Variants in COL6A6 observed in about 807,000 individuals in gnomAD.
The protein encoded by COL6A6 is collagen alpha-6(VI) chain.
COL6A6 carries 183 observed loss-of-function variants against 208.6 expected under a neutral mutation model. The ratio of observed to expected loss-of-function variants is 0.88; its 90% CI spans 0.78 to 0.99. The LOEUF is 0.99. Ranked by LOEUF, COL6A6 falls within the 50% of genes least tolerant of loss-of-function variation. The pLI is 0.00. For missense variants in COL6A6, 2,816 were observed against 2,815.2 expected, an observed-to-expected ratio of 1.00 and a Z score of -0.01; for synonymous variants, 973 against 1,011.8, an observed-to-expected ratio of 0.96 and a Z score of 0.73.
Position 130,649,147 on chromosome 3 carries a change from T to C in COL6A6, c.5318T>C (p.Phe1773Ser). 2 of 1,591,390 alleles carry C rather than the reference T, an allele frequency of 1.3e-6. No homozygotes were observed. The highest frequency in any genetic ancestry group is 1.7e-6 in the Non-Finnish European group (2 of 1,168,392). The change falls in exon 33 of 37, where the codon TTT (phenylalanine) becomes TCT (serine). Residue 1773 changes from phenylalanine to serine, a missense_variant. By Grantham distance (155) the Phe-to-Ser change is radical. Transcript: ENST00000358511. ...DHSRDVTEQE[F>S]ERMKEMMAFL... is the part of the protein sequence containing the mutation. ...TCCCGGGATGTCACTGAGCAGGAAT[T>C]TGAGCGGATGAAGGAGATGATGGCT...
intron 28 of COL6A6, among the ~76,000 whole-genome samples, chr3:130,640,996 A>T (rs1208219435): frequency 6.6e-6 from 1 of 152,242 alleles, no homozygotes; most frequent in Non-Finnish European, 1.5e-5. Flanking sequence ...TTATAATAGC[A>T]TTGCCTTATA....
intron 28 of COL6A6, among the ~76,000 whole-genome samples, chr3:130,639,918 C>A (rs1199496467): frequency 6.6e-6 from 1 of 152,080 alleles, no homozygotes; most frequent in Non-Finnish European, 1.5e-5. Context: ...TTTCTAGGAG[C>A]CATATAGAAA....
chr3:130,531,015 TACACAC>T (rs58738761), intron 1 of COL6A6, among the ~76,000 whole-genome samples: 22 of 143,862 alleles, frequency 1.5e-4, no homozygotes, highest in East Asian at 4.1e-4. Flanking sequence ...CCCCCTCCTC[TACACAC>T]ACACACACAC....
At chr3:130,594,722 A>G (rs781067682) in intron 18 of COL6A6, among the ~76,000 whole-genome samples, 10 of 152,168 alleles carry the variant, frequency 6.6e-5, no homozygotes, top group Non-Finnish European at 1.0e-4. Flanking sequence ...TCACATTGCT[A>G]ATAAAGACAT....
At chr3:130,593,902 C>G (rs1427097456) in intron 17 of COL6A6, among the ~76,000 whole-genome samples, 2 of 151,934 alleles carry the variant, frequency 1.3e-5, no homozygotes, top group Admixed American at 6.6e-5. Flanking sequence ...TATTTTCATC[C>G]TCTACTTTGT....
At chr3:130,653,435 T>C (rs1377170050) in intron 33 of COL6A6, among the ~76,000 whole-genome samples, 1 of 152,226 alleles carries the variant, frequency 6.6e-6, no homozygotes, top group African/African-American at 2.4e-5. Context: ...TTTGTTTATA[T>C]ATAATTGTCT....
intron 32 of COL6A6, among the ~76,000 whole-genome samples, chr3:130,645,327 C>T (rs376260237): frequency 6.6e-6 from 1 of 152,168 alleles, no homozygotes; most frequent in South Asian, 2.1e-4. Flanking sequence ...TAGACATGCT[C>T]TGTCACACAG....
intron 20 of COL6A6, among the ~76,000 whole-genome samples, chr3:130,602,294 G>A (rs2064046950): frequency 6.6e-6 from 1 of 152,166 alleles, no homozygotes; most frequent in Non-Finnish European, 1.5e-5. Flanking sequence ...CTGTGTCAAA[G>A]CCACCAGCCC....
chr3:130,553,673 G>A (rs894379048), intron 1 of COL6A6, among the ~76,000 whole-genome samples: 1 of 151,766 alleles, frequency 6.6e-6, no homozygotes, highest in Non-Finnish European at 1.5e-5. Flanking sequence ...TTTCAATCTG[G>A]GTAAGAACCA....
intron 35 of COL6A6, 55 bp from the exon 36 acceptor site, chr3:130,664,948 G>A: frequency 1.7e-6 from 2 of 1,144,350 alleles, no homozygotes; most frequent in Admixed American, 2.0e-5. Flanking sequence ...AGAGCAGATT[G>A]CAGTAATGTT....
intron 20 of COL6A6, among the ~76,000 whole-genome samples, chr3:130,602,958 C>T (rs1406077444): frequency 6.6e-6 from 1 of 152,178 alleles, no homozygotes; most frequent in Non-Finnish European, 1.5e-5. Flanking sequence ...CACTGCAGAA[C>T]TCTAAAATGA....
At chr3:130,643,785 A>G (rs2065386395) in intron 31 of COL6A6, among the ~76,000 whole-genome samples, 5 of 152,218 alleles carry the variant, frequency 3.3e-5, no homozygotes, top group Admixed American at 3.3e-4. Context: ...TCCTCCAGAT[A>G]TTTTGGGGGA....
At chr3:130,564,901 GA>G in intron 3 of COL6A6, 92 bp from the exon 4 acceptor site, 3 of 1,383,664 alleles carry the variant, frequency 2.2e-6, no homozygotes, top group Non-Finnish European at 3.0e-6. Flanking sequence ...GTGCATAACT[GA>G]GCTCTGCTGT....
At chr3:130,627,534 G>T (rs1054633204) in intron 26 of COL6A6, among the ~76,000 whole-genome samples, 165 bp downstream of exon 26, 2 of 152,220 alleles carry the variant, frequency 1.3e-5, no homozygotes, top group African/African-American at 4.8e-5. Context: ...GAATGTGATA[G>T]AAAAGAATGT....
Position 130,641,671 on chromosome 3 carries a change from G to T in COL6A6, c.5111G>T (p.Gly1704Val). The T allele has an allele frequency of 6.3e-7, 1 of 1,597,852 alleles. No individual in the cohort carries two copies. Among genetic ancestry groups the T allele is most frequent in the Non-Finnish European group, 8.6e-7 (1 of 1,167,238 alleles). Residue 1704 changes from glycine (G) to valine (V), a missense_variant, in exon 29 of 37, where the codon GGA becomes GTA. Coordinates refer to ENST00000358511, the MANE Select transcript of COL6A6 (RefSeq NM_001102608.3). Reference protein sequence around the residue: ...RGKMISAGLPGEMGSPGEPGP... With the variant: ...RGKMISAGLPVEMGSPGEPGP... The stretch of plus-strand genomic sequence containing the variant: ...TTTGAGATATCTGCTGGGCTTCCAG[G>T]AGAGATGGGATCCCCTGGGGAACCA...
chr3:130,608,950 C>T lies in COL6A6; in HGVS notation c.4738C>T (p.Leu1580Phe), dbSNP rs2064270497. The change falls in exon 22 of 37, where the codon CTT (leucine) becomes TTT (phenylalanine). Residue 1580 changes from leucine (L) to phenylalanine (F), a missense_variant. By Grantham distance (22) the Leu-to-Phe change is conservative. Coordinates refer to ENST00000358511, the MANE Select transcript of COL6A6 (RefSeq NM_001102608.3). Reference protein sequence around the residue: ...GPDGLEGSLGLKGPQGPRGEA... With the variant: ...GPDGLEGSLGFKGPQGPRGEA... ...AGATGGACTTGAAGGCTCCCTGGGA[C>T]TTAAGGGCCCTCAGGTACATATCAA... 2 of 1,612,558 alleles carry T rather than the reference C, an allele frequency of 1.2e-6. No individual in the cohort carries two copies. Among genetic ancestry groups the T allele is most frequent in the South Asian group, 2.2e-5 (2 of 91,022 alleles).
At chr3:130,641,779 G>C in intron 29 of COL6A6, 65 bp downstream of exon 29, 1 of 943,454 alleles carries the variant, frequency 1.1e-6, no homozygotes, top group South Asian at 1.7e-5. Flanking sequence ...GTCAGTGCAT[G>C]AAATCTTCAT....
intron 23 of COL6A6, among the ~76,000 whole-genome samples, chr3:130,614,868 C>T (rs551256920): frequency 6.6e-6 from 1 of 151,988 alleles, no homozygotes; most frequent in South Asian, 2.1e-4. Flanking sequence ...CCCCCTTTTT[C>T]ATTTCTCATT....
chr3:130,547,407 C>T (rs2062538431), intron 1 of COL6A6, among the ~76,000 whole-genome samples: 2 of 152,250 alleles, frequency 1.3e-5, no homozygotes, highest in Non-Finnish European at 2.9e-5. Context: ...GGCCTGCAAG[C>T]ACTGCACACA....
Sources: allele counts gnomAD v4.1 joint callset (sites outside exome capture counted in the v4.1 genomes callset), GRCh38; gene constraint gnomAD v4.1.1; transcripts MANE v1.5; gene names NCBI Gene and HGNC (gene_info 2026-07-23, HGNC 2026-07-21).